Variants in SORL1 observed in about 807,000 individuals in gnomAD.
SORL1 encodes sortilin related receptor 1.
A neutral mutation model predicts 273.7 loss-of-function variants in SORL1; 127 were observed. That is an observed-to-expected ratio of 0.46 (90% CI 0.40 to 0.54). The LOEUF (loss-of-function observed/expected upper bound fraction) is 0.54, where lower values mean the gene tolerates loss of function less well. Ranked by LOEUF, SORL1 falls within the 20% of genes least tolerant of loss-of-function variation. SORL1 has a pLI of 0.00. For synonymous variants in SORL1, 1,031 were observed against 1,067.4 expected (o/e 0.97, Z 0.66); for missense variants, 2,494 against 2,846.1 (o/e 0.88, Z 2.81).
Position 121,590,648 on chromosome 11 carries a change from A to G in SORL1, c.4214-353A>G, listed in dbSNP as rs576358861. The G allele has an allele frequency of 1.1e-3, 648 of 605,760 alleles. 1 individual carries two copies. The highest frequency in any genetic ancestry group is 1.7e-3 in the Non-Finnish European group (588 of 340,978). 37.5% of individuals were successfully genotyped at this position (605,760 alleles called of 1,614,324 possible). On this transcript the variant is annotated intron_variant, in intron 30 of 47. Transcript: ENST00000260197. ...CAGGTCGTGGAGTAGTTGCGGTTGA[A>G]TTAACTAGAACACAATGCTTTGCCT...
At chr11:121,525,451 A>G (rs1862107202) in intron 11 of SORL1, among the ~76,000 whole-genome samples, 2 of 152,188 alleles carry the variant, frequency 1.3e-5, no homozygotes, top group African/African-American at 4.8e-5. Context: ...TCTAGGGTAA[A>G]TACTTAGGAA....
chr11:121,556,497 G>A (rs906718648), intron 18 of SORL1, among the ~76,000 whole-genome samples: 16 of 152,092 alleles, frequency 1.1e-4, no homozygotes, highest in African/African-American at 3.4e-4. Context: ...TTATGTTATT[G>A]CTCTTTCTCT....
In SORL1 at chr11:121,563,554, C is replaced by G. The variant is rs1862708848; in HGVS notation, c.3050-3386C>G. Among the ~76,000 whole-genome samples, 1 of 152,076 alleles carries G rather than the reference C, an allele frequency of 6.6e-6. No individual in the cohort carries two copies. The highest frequency in any genetic ancestry group is 6.6e-5 in the Admixed American group (1 of 15,266). ...GGGACTAAAGGCATGTGCCACCATG[C>G]CTGGCTAATTTTTTGTATTTTAGTA... On this transcript the variant is annotated intron_variant, in intron 21 of 47. Transcript: ENST00000260197. The surrounding 1 kb of genome is among the most constrained non-coding windows in gnomAD (Gnocchi z 4.2).
At chr11:121,590,636 A>C in intron 30 of SORL1, 1 of 603,118 alleles carries the variant, frequency 1.7e-6, no homozygotes, top group Non-Finnish European at 2.9e-6. Flanking sequence ...GTCGTGGAGT[A>C]GTTGCGGTTG....
intron 3 of SORL1, among the ~76,000 whole-genome samples, chr11:121,478,775 C>T (rs1400173794): frequency 4.0e-5 from 6 of 148,302 alleles, no homozygotes; most frequent in African/African-American, 1.5e-4. Flanking sequence ...TGTGGATGTG[C>T]ATGCTTGTGT....
chr11:121,547,976 A>G (rs756685147), intron 14 of SORL1, among the ~76,000 whole-genome samples: 119 of 152,308 alleles, frequency 7.8e-4, no homozygotes, highest in Admixed American at 1.4e-3. Flanking sequence ...CTATTGGCCC[A>G]TGTTTCCTGA....
chr11:121,622,143 T>A lies in SORL1; in HGVS notation c.6065-19T>A. On this transcript the variant is annotated intron_variant, in intron 44 of 47. Transcript: ENST00000260197. ...ATGTATATCCACTAACCGCATCCCATCTCATCTTTAATTTTCAGTTTCATT... is the reference window on the plus strand; with the variant it reads ...ATGTATATCCACTAACCGCATCCCAACTCATCTTTAATTTTCAGTTTCATT... 3.6e-6 allele frequency: 5 copies of A among 1,370,188 alleles called. No homozygotes were observed. The highest frequency in any genetic ancestry group is 5.2e-6 in the Non-Finnish European group (5 of 961,682). 84.9% of individuals were successfully genotyped at this position (1,370,188 alleles called of 1,614,324 possible). A position where few individuals can be genotyped will look rare whatever the true frequency, so the allele number is the denominator to read the frequency against.
chr11:121,604,164 T>A (rs1863432282), intron 32 of SORL1, 29 bp from the exon 33 acceptor site: 1 of 1,612,352 alleles, frequency 6.2e-7, no homozygotes, highest in South Asian at 1.1e-5. Flanking sequence ...CCCCTCCCCG[T>A]GGACTTAAGA....
At chr11:121,589,469 G>A in intron 29 of SORL1, 79 bp downstream of exon 29, 2 of 1,551,992 alleles carry the variant, frequency 1.3e-6, no homozygotes, top group Non-Finnish European at 1.8e-6. Flanking sequence ...ACACTCACCG[G>A]CAACCCCACT....
Position 121,520,638 on chromosome 11 carries a change from G to A in SORL1, c.1212-19G>A, listed in dbSNP as rs1289824824. On this transcript the variant is annotated intron_variant, in intron 8 of 47. Coordinates refer to ENST00000260197, the MANE Select transcript of SORL1 (RefSeq NM_003105.6). ...CAAATACCAATTCAGGTTCATAGCT[G>A]TTTATTTTCATATTGTAGGTATTTT... 2 of 1,528,176 alleles carry A rather than the reference G, an allele frequency of 1.3e-6. No homozygotes were observed. Among genetic ancestry groups the A allele is most frequent in the East Asian group, 2.3e-5 (1 of 42,882 alleles). 94.7% of individuals were successfully genotyped at this position (1,528,176 alleles called of 1,614,324 possible).
At chr11:121,598,784 T>A (rs990387078) in intron 32 of SORL1, among the ~76,000 whole-genome samples, 3 of 152,202 alleles carry the variant, frequency 2.0e-5, no homozygotes. Context: ...ATTTCCACCA[T>A]GCATAGGTTT....
chr11:121,493,381 C>T (rs145990654), intron 5 of SORL1, among the ~76,000 whole-genome samples: 107 of 152,200 alleles, frequency 7.0e-4, no homozygotes, highest in African/African-American at 2.5e-3. Context: ...CTCAGTCTCC[C>T]GAGAAGCTGG....
At chr11:121,605,848 A>G (rs1179401922) in intron 35 of SORL1, among the ~76,000 whole-genome samples, 1 of 152,084 alleles carries the variant, frequency 6.6e-6, no homozygotes, top group Admixed American at 6.5e-5. Context: ...CCTCCTCTAG[A>G]TATTTCCTAG....
intron 16 of SORL1, among the ~76,000 whole-genome samples, chr11:121,553,162 C>T (rs953041296): frequency 3.3e-5 from 5 of 152,194 alleles, no homozygotes; most frequent in African/African-American, 1.2e-4. Context: ...CTTGGTTCTG[C>T]CACTTGCTAG....
chr11:121,550,433 A>C lies in SORL1; in HGVS notation c.2181-152A>C. ...CCTAGTCTAATTATAAGGAGAACTGACTCAGAACTACGAACATCCTCTTTC... is the reference window on the plus strand; with the variant it reads ...CCTAGTCTAATTATAAGGAGAACTGCCTCAGAACTACGAACATCCTCTTTC... On this transcript the variant is annotated intron_variant, in intron 15 of 47. Coordinates refer to ENST00000260197, the MANE Select transcript of SORL1 (RefSeq NM_003105.6). The surrounding 1 kb of genome is among the most constrained non-coding windows in gnomAD (Gnocchi z 5.3). 1 of 747,508 alleles carries C rather than the reference A, an allele frequency of 1.3e-6. No homozygotes were observed. The highest frequency in any genetic ancestry group is 2.3e-6 in the Non-Finnish European group (1 of 428,272). The allele number at this position is 747,508 out of a possible 1,614,324, so 46.3% of individuals were successfully genotyped here.
At chr11:121,502,119 CAATTCTTT>C (rs1861718352) in intron 6 of SORL1, among the ~76,000 whole-genome samples, 1 of 106,140 alleles carries the variant, frequency 9.4e-6, no homozygotes. Flanking sequence ...GGTCATGTGA[CAATTCTTT>C]TTTTTTTTTT....
intron 40 of SORL1, among the ~76,000 whole-genome samples, chr11:121,613,315 G>A (rs971674253): frequency 5.3e-5 from 8 of 152,146 alleles, no homozygotes; most frequent in Non-Finnish European, 8.8e-5. Flanking sequence ...TCCCTGTTAC[G>A]TATGTACCAG....
At chr11:121,459,245 G>A (rs1860953095) in intron 1 of SORL1, among the ~76,000 whole-genome samples, 1 of 152,206 alleles carries the variant, frequency 6.6e-6, no homozygotes, top group Admixed American at 6.5e-5. Flanking sequence ...AGCCACATGT[G>A]GCTCTTGGCT....
intron 12 of SORL1, among the ~76,000 whole-genome samples, chr11:121,541,584 G>T (rs1333048452): frequency 6.6e-6 from 1 of 152,170 alleles, no homozygotes; most frequent in African/African-American, 2.4e-5. Flanking sequence ...TTCTGTCAAG[G>T]ATTAGAATCC....
Sources: gnomAD v4.1 joint callset for allele counts (sites outside exome capture counted in the v4.1 genomes callset) on GRCh38, gnomAD v4.1.1 for gene constraint, Gnocchi (gnomAD v3.1) non-coding constraint, MANE v1.5 for transcripts, NCBI Gene and HGNC (gene_info 2026-07-23, HGNC 2026-07-21) for gene names.